RBM20: variants seen among roughly 807,000 people sequenced by gnomAD.
RBM20 encodes the protein RNA-binding protein 20.
In RBM20, 51 loss-of-function variants were observed where a neutral mutation model predicts 110.1. That is an observed-to-expected ratio of 0.46 (90% CI 0.37 to 0.59). The LOEUF is 0.59. Among genes scored for constraint, RBM20 ranks in the 20% least tolerant of loss-of-function variants. RBM20 has a pLI of 0.00. For synonymous variants in RBM20, 589 were observed against 618.2 expected (o/e 0.95, Z 0.70); for missense variants, 1,512 against 1,574.9 (o/e 0.96, Z 0.68).
At position 110,780,967 on chromosome 10, in the gene RBM20, CT is replaced by C. The variant is rs1173576141; in HGVS notation, c.359del (p.Leu120ArgfsTer18). ...VTNNTAAATV[L>X]NQVLSKVAMS... ...CAACAACACTGCAGCCGCCACAGTCCTGAACCAAGTCCTCTCCAAAGTGGCC... is the reference window on the plus strand; with the variant it reads ...CAACAACACTGCAGCCGCCACAGTCCGAACCAAGTCCTCTCCAAAGTGGCC... On this transcript the variant is annotated frameshift_variant, in exon 2 of 14. Coordinates refer to ENST00000369519, the MANE Select transcript of RBM20 (RefSeq NM_001134363.3). LOFTEE classifies it high-confidence loss of function. The C allele has an allele frequency of 3.2e-5, 50 of 1,551,656 alleles. No individual in the cohort carries two copies. The highest frequency in any genetic ancestry group is 4.4e-5 in the Non-Finnish European group (50 of 1,147,022).
rs1026091849 is a variant in RBM20, at chr10:110,724,468, G to A, written c.192-56333G>A. ...ACCTCTTACCTGCTATTTCCTGAGA[G>A]TGCTTCGTCAAGATTTTCTCAGTTC... On this transcript the variant is annotated intron_variant, in intron 1 of 13. Transcript: ENST00000369519. Among the ~76,000 whole-genome samples, 7 of 152,180 alleles carry A rather than the reference G, an allele frequency of 4.6e-5. No individual in the cohort carries two copies. In the East Asian group the frequency reaches 1.3e-3, roughly 29 times the overall value.
chr10:110,690,299 G>C (rs972853952), intron 1 of RBM20, among the ~76,000 whole-genome samples: 1 of 152,070 alleles, frequency 6.6e-6, no homozygotes, highest in Non-Finnish European at 1.5e-5. Context: ...CCAGCTACTT[G>C]AGAGGCTGAG....
intron 1 of RBM20, among the ~76,000 whole-genome samples, chr10:110,745,415 C>T (rs1379713077): frequency 2.6e-5 from 4 of 152,178 alleles, no homozygotes; most frequent in Non-Finnish European, 2.9e-5. Context: ...TCCTCTGTGG[C>T]TGGCTGTCTG....
intron 5 of RBM20, among the ~76,000 whole-genome samples, chr10:110,787,348 T>A (rs543782733): frequency 6.6e-6 from 1 of 152,186 alleles, no homozygotes; most frequent in East Asian, 1.9e-4. Flanking sequence ...GATGAGATAA[T>A]ATCAGGGACA....
At chr10:110,711,438 C>A (rs911907959) in intron 1 of RBM20, among the ~76,000 whole-genome samples, 1 of 151,056 alleles carries the variant, frequency 6.6e-6, no homozygotes, top group African/African-American at 2.4e-5. Context: ...ATAGCTCTTG[C>A]CTGGCTGGGA....
intron 1 of RBM20, among the ~76,000 whole-genome samples, chr10:110,731,649 C>T (rs1182725806): frequency 2.3e-5 from 2 of 87,396 alleles, no homozygotes; most frequent in Non-Finnish European, 4.8e-5. Flanking sequence ...ATTATCATTT[C>T]TCCCTCTTGT....
At chr10:110,812,162 G>C in intron 8 of RBM20, 116 bp from the exon 9 acceptor site, 2 of 929,306 alleles carry the variant, frequency 2.2e-6, no homozygotes, top group Non-Finnish European at 3.2e-6. Context: ...TGGGAGTTAA[G>C]AGTGTACACA....
rs569727108 is a variant in RBM20 at position 110,781,984 on chromosome 10, T to C, written c.1275+100T>C. On this transcript the variant is annotated intron_variant, in intron 2 of 13. Transcript: ENST00000369519. ...TGCCAATGGGCAAGGAACTGTTGCA[T>C]TGGGGTAACAGAATTTTGCCATCAG... The C allele has an allele frequency of 5.5e-4, 783 of 1,423,084 alleles. 14 individuals are homozygous for C. The South Asian group carries it at 7.1e-3, about 13-fold the overall frequency. 88.2% of individuals were successfully genotyped at this position (1,423,084 alleles called of 1,614,324 possible).
At chr10:110,810,563 C>T (rs1564853831) in intron 8 of RBM20, 101 bp downstream of exon 8, 3 of 786,928 alleles carry the variant, frequency 3.8e-6, no homozygotes, top group Non-Finnish European at 6.2e-6. Flanking sequence ...GTGCCCTGTT[C>T]TTGCCCCTAC....
chr10:110,734,673 T>C lies in RBM20; in HGVS notation c.192-46128T>C, dbSNP rs115158604. Among the ~76,000 whole-genome samples the C allele has an allele frequency of 5.0e-3, 739 of 148,204 alleles. 6 individuals are homozygous for C. Among genetic ancestry groups the C allele is most frequent in the African/African-American group, 0.018 (704 of 39,944 alleles). ...TAGTATACCCAGACCCCCCAACCCA[T>C]TGAGGTCAGTAATTTTAATCTTAAG... On this transcript the variant is annotated intron_variant, in intron 1 of 13. Transcript: ENST00000369519.
chr10:110,773,291 A>G (rs769962809), intron 1 of RBM20, among the ~76,000 whole-genome samples: 34 of 152,366 alleles, frequency 2.2e-4, no homozygotes, highest in Middle Eastern at 3.4e-3. Flanking sequence ...TAGACACACC[A>G]CATGTGGATG....
chr10:110,823,072 G>A lies in RBM20; in HGVS notation c.3317-408G>A, dbSNP rs1844934926. Among the ~76,000 whole-genome samples, 3 of 152,072 alleles carry A rather than the reference G, an allele frequency of 2.0e-5. No individual in the cohort carries two copies. In the South Asian group the frequency reaches 6.2e-4, roughly 32 times the overall value. On this transcript the variant is annotated intron_variant, in intron 11 of 13. Transcript: ENST00000369519. ...AATAACAGCTTGACAAGCTTGGGGA[G>A]AGAATGGCATTGCCTGTTTTGCTAG...
chr10:110,717,625 C>T (rs184396022), intron 1 of RBM20, among the ~76,000 whole-genome samples: 6 of 152,270 alleles, frequency 3.9e-5, no homozygotes, highest in Admixed American at 6.5e-5. Context: ...ACTGGTTGTG[C>T]GACATTGGGT....
chr10:110,675,628 G>C (rs1314360143), intron 1 of RBM20, among the ~76,000 whole-genome samples: 1 of 152,184 alleles, frequency 6.6e-6, no homozygotes. Context: ...CTTCACCACT[G>C]TATAATACTG....
intron 1 of RBM20, among the ~76,000 whole-genome samples, chr10:110,704,770 C>A (rs995076407): frequency 1.3e-5 from 2 of 152,104 alleles, no homozygotes; most frequent in African/African-American, 4.8e-5. Context: ...CCTGAAACAG[C>A]CCAGAGGACA....
chr10:110,776,784 T>C (rs1465873882), intron 1 of RBM20, among the ~76,000 whole-genome samples: 1 of 152,214 alleles, frequency 6.6e-6, no homozygotes, highest in Non-Finnish European at 1.5e-5. Flanking sequence ...TGTGAACATT[T>C]TTATTATTCA....
intron 1 of RBM20, among the ~76,000 whole-genome samples, chr10:110,769,169 C>T (rs1844151083): frequency 6.6e-6 from 1 of 152,112 alleles, no homozygotes; most frequent in African/African-American, 2.4e-5. Context: ...GGACTCAAGC[C>T]CCAGTTCTTT....
intron 3 of RBM20, among the ~76,000 whole-genome samples, chr10:110,783,949 A>G (rs1205666747): frequency 3.9e-5 from 6 of 152,162 alleles, no homozygotes; most frequent in Non-Finnish European, 8.8e-5. Context: ...TTCTGTCTCT[A>G]CGGATTTGCC....
At chr10:110,774,808 C>T (rs1844240033) in intron 1 of RBM20, among the ~76,000 whole-genome samples, 1 of 152,100 alleles carries the variant, frequency 6.6e-6, no homozygotes, top group Non-Finnish European at 1.5e-5. Context: ...CCCAATATGA[C>T]TGTTGTGTTG....
Sources: allele counts gnomAD v4.1 joint callset (sites outside exome capture counted in the v4.1 genomes callset), GRCh38; gene constraint gnomAD v4.1.1; transcripts MANE v1.5; gene names NCBI Gene and HGNC (gene_info 2026-07-23, HGNC 2026-07-21).